SGF29: variants seen among roughly 807,000 people sequenced by gnomAD.
SGF29 encodes the protein SAGA complex associated factor 29, also known as SAGA-associated factor 29.
Under a neutral mutation model 38.1 loss-of-function variants are expected in SGF29, and 15 were observed. The observed-to-expected ratio is 0.39, with a 90% CI of 0.26 to 0.61. The LOEUF (loss-of-function observed/expected upper bound fraction) is 0.61. Ranked by LOEUF, SGF29 falls within the 20% of genes least tolerant of loss-of-function variation. SGF29 has a pLI of 0.49. For missense variants in SGF29, 184 were observed against 394.6 expected (o/e 0.47, Z 4.52); for synonymous variants, 151 against 160.8 (o/e 0.94, Z 0.46).
Position 28,573,257 on chromosome 16 carries a change from A to G in SGF29, c.-15-7798A>G, listed in dbSNP as rs1313960776. 1.9e-4 allele frequency among the ~76,000 whole-genome samples: 29 copies of G among 152,094 alleles called. 1 individual carries two copies. The highest frequency in any genetic ancestry group is 1.9e-3 in the Admixed American group (29 of 15,266). On this transcript the variant is annotated intron_variant, in intron 1 of 9. Coordinates refer to ENST00000317058, the MANE Select transcript of SGF29 (RefSeq NM_138414.3). ...AAGAGATAGCCAGGCTCCAGCCCAG[A>G]GGAGGAGCTGGAGGTGGGTGGCCGG...
intron 1 of SGF29, among the ~76,000 whole-genome samples, chr16:28,564,942 G>A (rs2151643986): frequency 6.6e-6 from 1 of 151,554 alleles, no homozygotes; most frequent in Non-Finnish European, 1.5e-5. Context: ...AAGTCTGCCA[G>A]CCTTAAAACC....
chr16:28,586,455 T>C (rs934480526), intron 4 of SGF29, among the ~76,000 whole-genome samples: 1 of 147,036 alleles, frequency 6.8e-6, no homozygotes, highest in African/African-American at 2.5e-5. Context: ...TGCAGTGAGC[T>C]AAGATCGTGC....
At chr16:28,565,095 A>T (rs1402713325) in intron 1 of SGF29, among the ~76,000 whole-genome samples, 3 of 152,044 alleles carry the variant, frequency 2.0e-5, no homozygotes, top group Non-Finnish European at 4.4e-5. Flanking sequence ...GTCCGGCGTG[A>T]CACAGAACAG....
chr16:28,589,781 C>G (rs1191282274), intron 5 of SGF29, among the ~76,000 whole-genome samples: 1 of 152,168 alleles, frequency 6.6e-6, no homozygotes, highest in Non-Finnish European at 1.5e-5. Flanking sequence ...GAAATAGTCA[C>G]TAACTGAACA....
Position 28,564,666 on chromosome 16 carries a change from C to CACATATGT in SGF29, c.-16+10570_-16+10571insCATATGTA, listed in dbSNP as rs1555474842. Among the ~76,000 whole-genome samples the CACATATGT allele has an allele frequency of 3.2e-5, 2 of 61,608 alleles. 1 individual carries two copies. Among genetic ancestry groups the CACATATGT allele is most frequent in the Non-Finnish European group, 7.2e-5 (2 of 27,668 alleles). The allele number at this position is 61,608 out of a possible 152,430, so 40.4% of individuals were successfully genotyped here. ...ATGTGTATATATACGTATATATATG[C>CACATATGT]ATATATATGTATATATATGTGTATA... On this transcript the variant is annotated intron_variant, in intron 1 of 9. Transcript: ENST00000317058.
At chr16:28,574,022 C>T (rs149095953) in intron 1 of SGF29, among the ~76,000 whole-genome samples, 47 of 152,236 alleles carry the variant, frequency 3.1e-4, no homozygotes, top group Admixed American at 1.2e-3. Flanking sequence ...GGTTTTGTTA[C>T]GGGTGGAAGG....
At chr16:28,578,158 A>G (rs1334366815) in intron 1 of SGF29, among the ~76,000 whole-genome samples, 1 of 151,324 alleles carries the variant, frequency 6.6e-6, no homozygotes, top group Non-Finnish European at 1.5e-5. Context: ...CCTGGCCACA[A>G]TTGAGTTTTG....
In SGF29 at chr16:28,585,005, A is replaced by G; in HGVS notation, c.151+17A>G. The G allele has an allele frequency of 6.2e-7, 1 of 1,605,240 alleles. No homozygotes were observed. ...AGAACAAGAGTGAGTAGCTGGGCTC[A>G]GGAGAGAAAGGGGATGAGATGGGGC... On this transcript the variant is annotated intron_variant, in intron 3 of 9. Coordinates refer to ENST00000317058, the MANE Select transcript of SGF29 (RefSeq NM_138414.3).
chr16:28,573,085 C>T (rs2046874201), intron 1 of SGF29, among the ~76,000 whole-genome samples: 1 of 152,188 alleles, frequency 6.6e-6, no homozygotes, highest in Non-Finnish European at 1.5e-5. Flanking sequence ...TCAGTGACTT[C>T]CTCAGCTTTG....
intron 2 of SGF29, among the ~76,000 whole-genome samples, chr16:28,582,268 G>A (rs1175828852): frequency 6.6e-6 from 1 of 152,200 alleles, no homozygotes; most frequent in Non-Finnish European, 1.5e-5. Flanking sequence ...CAAAACTAGA[G>A]AGTGAAAGGA....
chr16:28,583,871 G>A (rs1283923059), intron 2 of SGF29, among the ~76,000 whole-genome samples: 2 of 152,184 alleles, frequency 1.3e-5, no homozygotes, highest in East Asian at 1.9e-4. Flanking sequence ...TCTGGGTCCC[G>A]TGAATTTCCA....
intron 1 of SGF29, among the ~76,000 whole-genome samples, chr16:28,571,454 G>A (rs2046863924): frequency 6.6e-6 from 1 of 152,010 alleles, no homozygotes; most frequent in African/African-American, 2.4e-5. Context: ...TTAGCTGGGC[G>A]TGGTGGCAGA....
chr16:28,571,925 G>A (rs1412783508), intron 1 of SGF29, among the ~76,000 whole-genome samples: 1 of 152,230 alleles, frequency 6.6e-6, no homozygotes, highest in Non-Finnish European at 1.5e-5. Context: ...GTCTGTTGGG[G>A]AAGAAAAGAT....
chr16:28,570,444 C>T (rs1483223778), intron 1 of SGF29, among the ~76,000 whole-genome samples: 5 of 152,116 alleles, frequency 3.3e-5, no homozygotes, highest in Non-Finnish European at 5.9e-5. Flanking sequence ...GCACATAACA[C>T]GTTTGATTTC....
At chr16:28,582,952 GAAAA>G (rs1342084137) in intron 2 of SGF29, among the ~76,000 whole-genome samples, 1 of 151,858 alleles carries the variant, frequency 6.6e-6, no homozygotes, top group Non-Finnish European at 1.5e-5. Flanking sequence ...ATAAATAAAG[GAAAA>G]AAAAGATACA....
At chr16:28,585,545 G>A in intron 3 of SGF29, 103 bp from the exon 4 acceptor site, 1 of 1,047,488 alleles carries the variant, frequency 9.5e-7, no homozygotes, top group Non-Finnish European at 1.5e-6. Context: ...TGCAGCTACG[G>A]CCTCTCTGTG....
At chr16:28,564,655 G>GTA (rs1229908039) in intron 1 of SGF29, among the ~76,000 whole-genome samples, 1 of 67,670 alleles carries the variant, frequency 1.5e-5, no homozygotes, top group Non-Finnish European at 3.2e-5. Context: ...GTATATATAC[G>GTA]TATATATATG....
chr16:28,585,025 T>C, intron 3 of SGF29, 37 bp downstream of exon 3: 2 of 1,546,392 alleles, frequency 1.3e-6, no homozygotes, highest in Non-Finnish European at 1.8e-6. Context: ...GGGGATGAGA[T>C]GGGGCTAGGG....
intron 4 of SGF29, among the ~76,000 whole-genome samples, chr16:28,585,936 G>T (rs747120448): frequency 3.0e-4 from 45 of 152,210 alleles, no homozygotes; most frequent in Non-Finnish European, 2.9e-4. Flanking sequence ...GTGGCAAGGC[G>T]TGAGTCAACA....
Sources: gnomAD v4.1 joint callset for allele counts (sites outside exome capture counted in the v4.1 genomes callset) on GRCh38, gnomAD v4.1.1 for gene constraint, MANE v1.5 for transcripts, NCBI Gene and HGNC (gene_info 2026-07-23, HGNC 2026-07-21) for gene names.